Variants in SLC10A7 observed in about 807,000 individuals in gnomAD.
SLC10A7 encodes the protein solute carrier family 10 member 7.
A neutral mutation model predicts 43.2 loss-of-function variants in SLC10A7; 29 were observed. The ratio of observed to expected loss-of-function variants is 0.67; its 90% confidence interval spans 0.50 to 0.92. The LOEUF (loss-of-function observed/expected upper bound fraction) is 0.92, where lower values mean the gene tolerates loss of function less well. SLC10A7 is among the 40% of genes least tolerant of loss of function. The pLI is 0.00. For missense variants in SLC10A7, 295 were observed against 403.2 expected, an observed-to-expected ratio of 0.73 and a Z score of 2.30; for synonymous variants, 152 against 144.8, an observed-to-expected ratio of 1.05 and a Z score of -0.35.
intron 10 of SLC10A7, among the ~76,000 whole-genome samples, chr4:146,275,780 GTT>G (rs773001811): frequency 1.4e-5 from 2 of 143,192 alleles, no homozygotes. Flanking sequence ...CCCCATAGAA[GTT>G]TTTTTTTTTT....
intron 3 of SLC10A7, among the ~76,000 whole-genome samples, chr4:146,507,138 T>C (rs1300092703): frequency 1.3e-5 from 2 of 152,238 alleles, no homozygotes. Flanking sequence ...TCAGAAAGAA[T>C]TCATATGTTT....
intron 4 of SLC10A7, among the ~76,000 whole-genome samples, chr4:146,499,951 G>A (rs1736246390): frequency 6.6e-6 from 1 of 152,100 alleles, no homozygotes; most frequent in Non-Finnish European, 1.5e-5. Flanking sequence ...GAACAAAAAG[G>A]TTTTTTAGTC....
At chr4:146,405,818 G>GTT (rs536750473) in intron 5 of SLC10A7, among the ~76,000 whole-genome samples, 3 of 146,532 alleles carry the variant, frequency 2.0e-5, no homozygotes, top group Admixed American at 1.4e-4. Context: ...AGAAGGAAGA[G>GTT]TTTTTTTTTT....
At chr4:146,263,316 C>T (rs1728351142) in intron 10 of SLC10A7, among the ~76,000 whole-genome samples, 1 of 152,184 alleles carries the variant, frequency 6.6e-6, no homozygotes, top group Non-Finnish European at 1.5e-5. Context: ...ATTTCCTTTA[C>T]CAAGCTGTAA....
At chr4:146,411,906 A>T (rs1728221526) in intron 5 of SLC10A7, among the ~76,000 whole-genome samples, 1 of 152,180 alleles carries the variant, frequency 6.6e-6, no homozygotes, top group Admixed American at 6.6e-5. Flanking sequence ...GAAGGGAAAT[A>T]ACAGTTTAAA....
intron 5 of SLC10A7, among the ~76,000 whole-genome samples, chr4:146,384,921 C>T (rs1737883790): frequency 6.6e-6 from 1 of 151,946 alleles, no homozygotes; most frequent in Non-Finnish European, 1.5e-5. Context: ...TTTTTTAAAA[C>T]AGAATAATTA....
At chr4:146,289,711 T>G (rs1226481228) in intron 9 of SLC10A7, among the ~76,000 whole-genome samples, 1 of 131,776 alleles carries the variant, frequency 7.6e-6, no homozygotes, top group African/African-American at 2.9e-5. Flanking sequence ...TATTAGTTTT[T>G]TTTTTTTTTT....
intron 5 of SLC10A7, among the ~76,000 whole-genome samples, chr4:146,373,841 C>T (rs1359709511): frequency 6.6e-6 from 1 of 152,062 alleles, no homozygotes; most frequent in African/African-American, 2.4e-5. Context: ...AACCACTGCT[C>T]AGATTTGGAT....
intron 4 of SLC10A7, among the ~76,000 whole-genome samples, chr4:146,447,429 T>G (rs1028329605): frequency 1.3e-5 from 2 of 152,182 alleles, no homozygotes; most frequent in Non-Finnish European, 2.9e-5. Flanking sequence ...ATATAGCAGT[T>G]CTTTTGTTAT....
chr4:146,271,420 T>C (rs750975333), intron 10 of SLC10A7, among the ~76,000 whole-genome samples: 1 of 152,182 alleles, frequency 6.6e-6, no homozygotes, highest in Non-Finnish European at 1.5e-5. Context: ...GTGTTCAAAA[T>C]GGATCTCAAA....
intron 5 of SLC10A7, among the ~76,000 whole-genome samples, chr4:146,346,326 G>T (rs1010511001): frequency 6.6e-6 from 1 of 152,022 alleles, no homozygotes; most frequent in Admixed American, 6.6e-5. Flanking sequence ...TGTTTCATTG[G>T]TTATAACAGA....
chr4:146,438,707 C>T (rs909267262), intron 5 of SLC10A7, among the ~76,000 whole-genome samples: 3 of 151,960 alleles, frequency 2.0e-5, no homozygotes, highest in African/African-American at 7.2e-5. Flanking sequence ...GACATGGAAA[C>T]ACTGAATTCA....
At chr4:146,303,660 G>A (rs920426998) in intron 7 of SLC10A7, among the ~76,000 whole-genome samples, 22 of 152,068 alleles carry the variant, frequency 1.4e-4, no homozygotes, top group African/African-American at 5.1e-4. Context: ...GATTATAGGC[G>A]TGAGCCACCG....
chr4:146,442,643 A>G (rs936716309), intron 5 of SLC10A7, 140 bp downstream of exon 5: 46 of 1,495,662 alleles, frequency 3.1e-5, no homozygotes, highest in Non-Finnish European at 3.8e-5. Flanking sequence ...TCTTCAGGGT[A>G]TGGATACTGG....
intron 4 of SLC10A7, among the ~76,000 whole-genome samples, chr4:146,499,685 A>T (rs149171184): frequency 1.3e-5 from 2 of 152,316 alleles, no homozygotes; most frequent in African/African-American, 4.8e-5. Flanking sequence ...AGATTTATGA[A>T]AAATTATATC....
chr4:146,406,628 A>C (rs1727717608), intron 5 of SLC10A7, among the ~76,000 whole-genome samples: 1 of 151,994 alleles, frequency 6.6e-6, no homozygotes, highest in Non-Finnish European at 1.5e-5. Flanking sequence ...AATTTGACAT[A>C]TAAGAAGCCA....
intron 5 of SLC10A7, among the ~76,000 whole-genome samples, chr4:146,433,163 CTTT>C (rs760409464): frequency 2.9e-5 from 4 of 138,450 alleles, no homozygotes; most frequent in Non-Finnish European, 3.2e-5. Context: ...TATTCTCTAG[CTTT>C]TTTTTTTTTT....
chr4:146,399,786 A>AG (rs1739097389), intron 5 of SLC10A7, among the ~76,000 whole-genome samples: 1 of 152,200 alleles, frequency 6.6e-6, no homozygotes, highest in Admixed American at 6.5e-5. Context: ...AAGGATGGTG[A>AG]GATCAAGACT....
chr4:146,348,042 CTT>C (rs1161180942), intron 5 of SLC10A7, among the ~76,000 whole-genome samples: 2 of 152,172 alleles, frequency 1.3e-5, no homozygotes, highest in East Asian at 3.8e-4. Flanking sequence ...AAACCACACA[CTT>C]TAGAATACAA....
Sources: allele counts gnomAD v4.1 joint callset (sites outside exome capture counted in the v4.1 genomes callset), GRCh38; gene constraint gnomAD v4.1.1; transcripts MANE v1.5; gene names NCBI Gene and HGNC (gene_info 2026-07-23, HGNC 2026-07-21).